The following KBTBD12 variants were observed in gnomAD, a reference collection of about 807,000 sequenced individuals.
The protein encoded by KBTBD12 is kelch repeat and BTB domain containing 12.
KBTBD12 carries 53 observed loss-of-function variants against 58.7 expected under a neutral mutation model. The observed-to-expected ratio is 0.90, with a 90% CI of 0.72 to 1.14. KBTBD12 has a LOEUF of 1.14. KBTBD12 is among the 50% of genes most tolerant of loss of function. The pLI is 0.00. For missense variants in KBTBD12, 704 were observed against 751.3 expected, an observed-to-expected ratio of 0.94 and a Z score of 0.74; for synonymous variants, 236 against 259.8, an observed-to-expected ratio of 0.91 and a Z score of 0.88.
chr3:127,921,932 C>T (rs918383763), intron 1 of KBTBD12, among the ~76,000 whole-genome samples: 2 of 152,128 alleles, frequency 1.3e-5, no homozygotes, highest in African/African-American at 4.8e-5. Context: ...TATTATCTTA[C>T]TCATAATCTA....
chr3:127,962,326 C>G (rs1243497737), intron 4 of KBTBD12, among the ~76,000 whole-genome samples: 1 of 152,178 alleles, frequency 6.6e-6, no homozygotes, highest in Admixed American at 6.5e-5. Context: ...TTTCTTGTAA[C>G]AGTGGATAGG....
chr3:127,978,360 G>A (rs1433554161), intron 5 of KBTBD12, among the ~76,000 whole-genome samples: 1 of 152,224 alleles, frequency 6.6e-6, no homozygotes, highest in East Asian at 1.9e-4. Flanking sequence ...GATGCATGGA[G>A]CAGCAATCTG....
chr3:127,931,370 T>C (rs1246992082), intron 4 of KBTBD12, among the ~76,000 whole-genome samples: 1 of 152,106 alleles, frequency 6.6e-6, no homozygotes, highest in Non-Finnish European at 1.5e-5. Flanking sequence ...GATTCACTTA[T>C]AATTAAGTTT....
intron 4 of KBTBD12, among the ~76,000 whole-genome samples, chr3:127,936,688 G>T (rs1939837577): frequency 6.6e-6 from 1 of 152,108 alleles, no homozygotes; most frequent in Non-Finnish European, 1.5e-5. Context: ...TCCCAGGCTT[G>T]CAGCTTACCA....
chr3:127,930,358 G>A lies in KBTBD12; in HGVS notation c.1492+75G>A, dbSNP rs576542362. 162 of 1,311,644 alleles carry A rather than the reference G, an allele frequency of 1.2e-4. No individual in the cohort carries two copies. In the African/African-American group the frequency reaches 2.0e-3, roughly 16 times the overall value. 81.3% of individuals were successfully genotyped at this position (1,311,644 alleles called of 1,614,324 possible). ...CAGTTTGCCTCAGCAAAAATGAAACGTTCTCCTTTGCACTTGTATTCCAGT... is the reference window on the plus strand; with the variant it reads ...CAGTTTGCCTCAGCAAAAATGAAACATTCTCCTTTGCACTTGTATTCCAGT... On this transcript the variant is annotated intron_variant, in intron 4 of 5. Coordinates refer to ENST00000405109, the MANE Select transcript of KBTBD12 (RefSeq NM_207335.4).
chr3:127,923,076 T>C lies in KBTBD12; in HGVS notation c.15T>C (p.Ile5=). The stretch of plus-strand genomic sequence containing the variant: ...GAGAGTAGATCATGGAGTGCAAGAT[T>C]GAGGGAAAAGAAAAATACCAACATA... MECK[I]EGKEKYQHSL... Residue 5 remains isoleucine (I), a synonymous_variant, in exon 2 of 6, where the codon ATT becomes ATC. Transcript: ENST00000405109. 6.2e-7 allele frequency: 1 copy of C among 1,603,150 alleles called. No individual in the cohort carries two copies. The highest frequency in any genetic ancestry group is 8.5e-7 in the Non-Finnish European group (1 of 1,171,254).
intron 5 of KBTBD12, among the ~76,000 whole-genome samples, chr3:127,964,687 G>T (rs1045823805): frequency 6.6e-6 from 1 of 150,862 alleles, no homozygotes; most frequent in Non-Finnish European, 1.5e-5. Context: ...GGATGAAAAT[G>T]ATATACTGTC....
chr3:127,967,270 C>T (rs1940594102), intron 5 of KBTBD12, among the ~76,000 whole-genome samples: 1 of 152,086 alleles, frequency 6.6e-6, no homozygotes, highest in South Asian at 2.1e-4. Context: ...GAGATGCCTT[C>T]AAGATTCCAA....
chr3:127,947,200 C>T (rs1304530452), intron 4 of KBTBD12, among the ~76,000 whole-genome samples: 1 of 152,112 alleles, frequency 6.6e-6, no homozygotes, highest in Non-Finnish European at 1.5e-5. Flanking sequence ...TGGAAAAGAA[C>T]CAGAGGCTCC....
At chr3:127,946,458 T>G (rs1163163823) in intron 4 of KBTBD12, among the ~76,000 whole-genome samples, 2 of 152,246 alleles carry the variant, frequency 1.3e-5, no homozygotes, top group African/African-American at 4.8e-5. Context: ...CTATTTCATC[T>G]GGCTTTCATA....
At chr3:127,934,337 C>T (rs1939775620) in intron 4 of KBTBD12, among the ~76,000 whole-genome samples, 1 of 152,042 alleles carries the variant, frequency 6.6e-6, no homozygotes, top group Admixed American at 6.6e-5. Context: ...GGCTCAGGAG[C>T]ACTTTTGATA....
At chr3:127,976,073 G>T (rs1239862516) in intron 5 of KBTBD12, among the ~76,000 whole-genome samples, 1 of 152,042 alleles carries the variant, frequency 6.6e-6, no homozygotes, top group East Asian at 1.9e-4. Flanking sequence ...ATATAGACAG[G>T]TACATAATTT....
rs1188290983 is a variant in KBTBD12 at position 127,963,490 on chromosome 3, T to G, written c.1690+104T>G. The G allele has an allele frequency of 2.8e-6, 3 of 1,089,500 alleles. No homozygotes were observed. The East Asian group carries it at 7.9e-5, about 29-fold the overall frequency. The allele number at this position is 1,089,500 out of a possible 1,614,324, so 67.5% of individuals were successfully genotyped here. ...ATATTCCTGAGAGCAACGTGAGCACTGCAAAAGCATGGCTTTTAGAGTCAG... is the reference window on the plus strand; with the variant it reads ...ATATTCCTGAGAGCAACGTGAGCACGGCAAAAGCATGGCTTTTAGAGTCAG... On this transcript the variant is annotated intron_variant, in intron 5 of 5. Transcript: ENST00000405109.
chr3:127,937,172 AAACAACAACAACAACAACAAC>A (rs3073944), intron 4 of KBTBD12, among the ~76,000 whole-genome samples: 2 of 150,308 alleles, frequency 1.3e-5, no homozygotes, highest in African/African-American at 2.4e-5. Context: ...AATGGCCAGA[AAACAACAACAACAACAACAAC>A]AACAACAACA....
intron 4 of KBTBD12, among the ~76,000 whole-genome samples, chr3:127,957,149 C>A (rs972282357): frequency 6.6e-6 from 1 of 152,206 alleles, no homozygotes; most frequent in African/African-American, 2.4e-5. Context: ...TTATCACTCC[C>A]TTCCTCTGCC....
At chr3:127,939,259 G>A (rs1194755887) in intron 4 of KBTBD12, among the ~76,000 whole-genome samples, 3 of 152,148 alleles carry the variant, frequency 2.0e-5, no homozygotes, top group Admixed American at 6.5e-5. Context: ...GTCAACCCAC[G>A]TTGCTTTCGT....
Position 127,986,547 on chromosome 3 carries a change from G to A in KBTBD12, c.*2269G>A, listed in dbSNP as rs1303245776. On this transcript the variant is annotated 3_prime_UTR_variant, in exon 6 of 6. Transcript: ENST00000405109. ...TCGCCAGGCTGGAGTGCAGTGCAGT[G>A]GCACGATCTCAGCCCACTGCAACCT... 6.6e-6 allele frequency: 1 copy of A among 150,386 alleles called. No homozygotes were observed. The highest frequency in any genetic ancestry group is 2.0e-4 in the East Asian group (1 of 5,112). The allele number at this position is 150,386 out of a possible 1,614,324, so 9.3% of individuals were successfully genotyped here. A position where few individuals can be genotyped will look rare whatever the true frequency, so the allele number is the denominator to read the frequency against.
At chr3:127,952,715 T>C (rs939286584) in intron 4 of KBTBD12, among the ~76,000 whole-genome samples, 9 of 152,246 alleles carry the variant, frequency 5.9e-5, no homozygotes, top group Non-Finnish European at 1.0e-4. Context: ...GGTTTTCACT[T>C]GTGCTCTGGG....
intron 5 of KBTBD12, among the ~76,000 whole-genome samples, chr3:127,965,183 T>G (rs1419944464): frequency 6.6e-6 from 1 of 152,372 alleles, no homozygotes; most frequent in East Asian, 1.9e-4. Context: ...CATTCTGTTT[T>G]GTCTTGCTTC....
Sources: gnomAD v4.1 joint callset for allele counts (sites outside exome capture counted in the v4.1 genomes callset) on GRCh38, gnomAD v4.1.1 for gene constraint, MANE v1.5 for transcripts, NCBI Gene and HGNC (gene_info 2026-07-23, HGNC 2026-07-21) for gene names.